LAMA1: variants seen among roughly 807,000 people sequenced by gnomAD.
LAMA1 encodes laminin subunit alpha 1.
A neutral mutation model predicts 348.7 loss-of-function variants in LAMA1; 219 were observed. That is an observed-to-expected ratio of 0.63 (90% confidence interval 0.56 to 0.70). LAMA1 has a LOEUF of 0.70. LAMA1 is among the 30% of genes least tolerant of loss of function. LAMA1 has a pLI of 0.00. For missense variants in LAMA1, 3,744 were observed against 3,888.0 expected, an observed-to-expected ratio of 0.96 and a Z score of 0.99; for synonymous variants, 1,487 against 1,491.0, an observed-to-expected ratio of 1.00 and a Z score of 0.06.
intron 19 of LAMA1, among the ~76,000 whole-genome samples, chr18:7,020,241 G>A (rs1347218205): frequency 4.6e-5 from 7 of 152,056 alleles, no homozygotes; most frequent in East Asian, 1.9e-4. Flanking sequence ...CCACACCTCC[G>A]GCTGCAGCCG....
rs1272143443 is a variant in LAMA1 at position 7,036,144 on chromosome 18, C to T, written c.1738-56G>A. On this transcript the variant is annotated intron_variant, in intron 12 of 62. Transcript: ENST00000389658. ...AGGGGAAGACAATCACAGCAACAAT[C>T]AAGTAAGAGGAAGTGGTCACTGGGA... The T allele has an allele frequency of 2.1e-5, 26 of 1,258,938 alleles. No individual in the cohort carries two copies. In the East Asian group the frequency reaches 5.8e-4, roughly 28 times the overall value. The allele number at this position is 1,258,938 out of a possible 1,614,324, so 78.0% of individuals were successfully genotyped here.
chr18:7,086,586 A>G (rs560894324), intron 1 of LAMA1, among the ~76,000 whole-genome samples: 3 of 149,722 alleles, frequency 2.0e-5, no homozygotes, highest in Non-Finnish European at 4.4e-5. Flanking sequence ...GTCTCTCCCC[A>G]GTTCTTCTCC....
chr18:7,112,722 C>G (rs1472410096), intron 1 of LAMA1, among the ~76,000 whole-genome samples: 1 of 151,202 alleles, frequency 6.6e-6, no homozygotes, highest in Admixed American at 6.6e-5. Context: ...CCACAACTTC[C>G]GCCTCCAGGG....
chr18:6,979,709 C>T (rs1009046238), intron 42 of LAMA1, among the ~76,000 whole-genome samples: 4 of 152,052 alleles, frequency 2.6e-5, no homozygotes, highest in African/African-American at 7.3e-5. Context: ...ACCATCCTGG[C>T]TAACACGGTG....
At chr18:7,062,651 A>G (rs1316471658) in intron 3 of LAMA1, among the ~76,000 whole-genome samples, 1 of 152,148 alleles carries the variant, frequency 6.6e-6, no homozygotes. Flanking sequence ...GTTTTCTAAA[A>G]GGCCAAAACA....
At chr18:7,038,787 G>A (rs764610000) in intron 11 of LAMA1, 23 bp downstream of exon 11, 6 of 1,613,630 alleles carry the variant, frequency 3.7e-6, no homozygotes, top group South Asian at 1.1e-5. Context: ...ATTAAATCCC[G>A]CCGCGCAGAT....
At chr18:6,959,233 G>A (rs898537711) in intron 54 of LAMA1, 108 bp downstream of exon 54, 4 of 1,419,532 alleles carry the variant, frequency 2.8e-6, no homozygotes, top group Non-Finnish European at 3.0e-6. Context: ...TCTGGATGCC[G>A]ATGACCCCAG....
At chr18:7,117,582 G>C in intron 1 of LAMA1, 78 bp downstream of exon 1, 1 of 1,475,374 alleles carries the variant, frequency 6.8e-7, no homozygotes, top group Non-Finnish European at 9.2e-7. Context: ...CAGCCCCAAC[G>C]CGACGGGCTT....
intron 3 of LAMA1, among the ~76,000 whole-genome samples, chr18:7,058,850 G>A (rs2058092195): frequency 6.6e-6 from 1 of 152,092 alleles, no homozygotes; most frequent in South Asian, 2.1e-4. Flanking sequence ...GGTCTTATAT[G>A]TAATGTAGAA....
At chr18:7,028,032 A>G (rs1166777860) in intron 16 of LAMA1, among the ~76,000 whole-genome samples, 1 of 152,230 alleles carries the variant, frequency 6.6e-6, no homozygotes, top group Non-Finnish European at 1.5e-5. Flanking sequence ...GATATAAAGT[A>G]GGACCAAGTA....
At chr18:7,083,476 G>A (rs894278357) in intron 1 of LAMA1, among the ~76,000 whole-genome samples, 5 of 151,826 alleles carry the variant, frequency 3.3e-5, no homozygotes, top group African/African-American at 4.8e-5. Context: ...TTGAGCCACC[G>A]CGCCGGGCCC....
intron 36 of LAMA1, among the ~76,000 whole-genome samples, chr18:6,989,237 G>A (rs2057748714): frequency 6.6e-6 from 1 of 151,888 alleles, no homozygotes; most frequent in Non-Finnish European, 1.5e-5. Flanking sequence ...CACATGGGGA[G>A]AGGACTTCAG....
chr18:7,082,964 G>A (rs182563972), intron 1 of LAMA1, among the ~76,000 whole-genome samples: 2 of 142,606 alleles, frequency 1.4e-5, no homozygotes, highest in Admixed American at 1.3e-4. Flanking sequence ...GTAACTGCAG[G>A]GTCTTGTGTT....
Position 6,985,312 on chromosome 18 carries a change from C to T in LAMA1, c.5585G>A (p.Arg1862Lys), listed in dbSNP as rs1182111876. The change falls in exon 39 of 63, where the codon AGG becomes AAG. Residue 1862 changes from arginine (R) to lysine (K), a missense_variant. Arg to Lys is a conservative substitution (Grantham distance 26). Coordinates refer to ENST00000389658, the MANE Select transcript of LAMA1 (RefSeq NM_005559.4). ...IDDLVMHMSQRNAVDLVYRAE... is the reference protein window; with the variant it reads ...IDDLVMHMSQKNAVDLVYRAE... ...TCTGTAGACCAGGTCGACTGCGTTC[C>T]TTTGGGACATGTGCATGACCAGGTC... 1 of 1,614,086 alleles carries T rather than the reference C, an allele frequency of 6.2e-7. No individual in the cohort carries two copies. Among genetic ancestry groups the T allele is most frequent in the African/African-American group, 1.3e-5 (1 of 74,920 alleles).
Position 7,002,341 on chromosome 18 carries a change from A to T in LAMA1, c.4305T>A (p.Thr1435=). The change falls in exon 30 of 63, where the codon ACT becomes ACA. Residue 1435 remains threonine, a synonymous_variant. Coordinates refer to ENST00000389658, the MANE Select transcript of LAMA1 (RefSeq NM_005559.4). ...CAGTCACCTTCCCGTAGTAGCCAGA[A>T]GTACACACATCACAATGGTCACCTG... The part of the protein sequence containing the change: ...NTAGDHCDVC[T]SGYYGKVTGS... 6.2e-7 allele frequency: 1 copy of T among 1,613,898 alleles called. No homozygotes were observed. The highest frequency in any genetic ancestry group is 8.5e-7 in the Non-Finnish European group (1 of 1,180,034).
intron 15 of LAMA1, 121 bp from the exon 16 acceptor site, chr18:7,032,297 A>G (rs1470530069): frequency 4.2e-6 from 3 of 718,616 alleles, no homozygotes; most frequent in Non-Finnish European, 2.5e-6. Context: ...TTTACATGCT[A>G]CACAATTCAC....
chr18:7,080,335 G>T lies in LAMA1; in HGVS notation c.184C>A (p.Arg62=). The change falls in exon 2 of 63, where the codon CGA becomes AGA. Residue 62 remains arginine, a synonymous_variant. Transcript: ENST00000389658. The part of the protein sequence containing the change: ...LVEHVPGRPV[R]NPQCRICDGN... Reference sequence around the variant, plus strand: ...TCACAGATCCGGCACTGTGGGTTTCGGACGGGCCGACCTGGCACATGCTCC... The same window carrying T: ...TCACAGATCCGGCACTGTGGGTTTCTGACGGGCCGACCTGGCACATGCTCC... The T allele has an allele frequency of 6.2e-7, 1 of 1,614,220 alleles. No individual in the cohort carries two copies. Among genetic ancestry groups the T allele is most frequent in the Non-Finnish European group, 8.5e-7 (1 of 1,180,040 alleles).
At chr18:7,113,064 C>T (rs193267719) in intron 1 of LAMA1, among the ~76,000 whole-genome samples, 16 of 152,312 alleles carry the variant, frequency 1.1e-4, no homozygotes, top group African/African-American at 3.1e-4. Flanking sequence ...ATAAAACAGT[C>T]CCTGCCCTTG....
intron 41 of LAMA1, 131 bp downstream of exon 41, chr18:6,982,366 T>C (rs1464295468): frequency 8.6e-6 from 7 of 812,302 alleles, no homozygotes; most frequent in Non-Finnish European, 1.5e-5. Context: ...TGATAGGAAA[T>C]TGGAATATAA....
Sources: gnomAD v4.1 joint callset for allele counts (sites outside exome capture counted in the v4.1 genomes callset) on GRCh38, gnomAD v4.1.1 for gene constraint, MANE v1.5 for transcripts, NCBI Gene and HGNC (gene_info 2026-07-23, HGNC 2026-07-21) for gene names.